The following RP1 variants were observed in gnomAD, a reference collection of about 807,000 sequenced individuals.
RP1 encodes the protein RP1 axonemal microtubule associated, also known as oxygen-regulated protein 1.
Under a neutral mutation model 14.8 loss-of-function variants are expected in RP1, and 16 were observed. The observed-to-expected ratio is 1.08, with a 90% confidence interval of 0.73 to 1.65. The LOEUF (loss-of-function observed/expected upper bound fraction) is 1.65. Among genes scored for constraint, RP1 ranks in the 40% most tolerant of loss-of-function variants. The pLI is 0.00. For missense variants in RP1, 2,631 were observed against 2,535.0 expected, an observed-to-expected ratio of 1.04 and a Z score of -0.81; for synonymous variants, 876 against 883.6, an observed-to-expected ratio of 0.99 and a Z score of 0.15.
chr8:54,787,368 T>C (rs1810347057), intron 24 of RP1, among the ~76,000 whole-genome samples: 1 of 152,124 alleles, frequency 6.6e-6, no homozygotes, highest in South Asian at 2.1e-4. Context: ...TGACATAGAC[T>C]AGACACTCAT....
At chr8:54,793,904 C>A (rs1486412954) in intron 24 of RP1, among the ~76,000 whole-genome samples, 2 of 151,736 alleles carry the variant, frequency 1.3e-5, no homozygotes, top group Non-Finnish European at 3.0e-5. Flanking sequence ...ATGACATAAT[C>A]TTACATATAG....
intron 1 of RP1, among the ~76,000 whole-genome samples, chr8:54,586,588 C>T (rs1347317910): frequency 1.3e-5 from 2 of 152,024 alleles, no homozygotes; most frequent in Non-Finnish European, 2.9e-5. Flanking sequence ...ATGCCCTGCC[C>T]CCAGAGGTGG....
At chr8:54,724,744 A>G (rs908508471) in intron 16 of RP1, among the ~76,000 whole-genome samples, 5 of 152,176 alleles carry the variant, frequency 3.3e-5, no homozygotes, top group Non-Finnish European at 5.9e-5. Flanking sequence ...AGCGATAGGA[A>G]CTTGCTGGAT....
At chr8:54,775,490 A>G (rs1403415604) in intron 23 of RP1, among the ~76,000 whole-genome samples, 1 of 152,172 alleles carries the variant, frequency 6.6e-6, no homozygotes, top group African/African-American at 2.4e-5. Context: ...AGAAGTCTGC[A>G]TGGAAAGGAA....
At chr8:54,816,483 C>T (rs1412089997) in intron 24 of RP1, among the ~76,000 whole-genome samples, 1 of 152,266 alleles carries the variant, frequency 6.6e-6, no homozygotes, top group East Asian at 1.9e-4. Context: ...AATATAAAGG[C>T]AAATAAGGTG....
At chr8:54,571,246 T>C (rs1247019189) in intron 1 of RP1, among the ~76,000 whole-genome samples, 1 of 152,222 alleles carries the variant, frequency 6.6e-6, no homozygotes, top group Non-Finnish European at 1.5e-5. Flanking sequence ...AAAGTCTCCC[T>C]TGGCCCATAG....
At chr8:54,781,980 C>G (rs1025498755) in intron 23 of RP1, among the ~76,000 whole-genome samples, 2 of 152,106 alleles carry the variant, frequency 1.3e-5, no homozygotes, top group Non-Finnish European at 2.9e-5. Context: ...TCCCTCCCCC[C>G]ATGATAGCAT....
chr8:54,693,528 C>T (rs190418883), intron 12 of RP1, among the ~76,000 whole-genome samples: 5 of 152,186 alleles, frequency 3.3e-5, no homozygotes, highest in South Asian at 4.2e-4. Context: ...TGAAGAGGTC[C>T]TTCCTGTCCC....
intron 12 of RP1, among the ~76,000 whole-genome samples, chr8:54,681,851 T>C (rs1224456721): frequency 1.3e-5 from 2 of 152,170 alleles, no homozygotes; most frequent in East Asian, 1.9e-4. Flanking sequence ...GCTTCATCCA[T>C]GTCCCTGCAA....
chr8:54,819,051 C>T (rs1349214507), intron 24 of RP1, among the ~76,000 whole-genome samples: 3 of 151,966 alleles, frequency 2.0e-5, no homozygotes, highest in Non-Finnish European at 2.9e-5. Flanking sequence ...AACTTTCTAC[C>T]CACATATCTC....
intron 19 of RP1, among the ~76,000 whole-genome samples, chr8:54,745,087 G>T (rs950512297): frequency 6.6e-6 from 1 of 152,186 alleles, no homozygotes; most frequent in African/African-American, 2.4e-5. Flanking sequence ...GAAGAGTTCT[G>T]TTGGTCGTTT....
downstream of RP1, among the ~76,000 whole-genome samples, chr8:54,635,152 A>C (rs532058186): frequency 6.6e-6 from 1 of 152,316 alleles, no homozygotes; most frequent in Non-Finnish European, 1.5e-5. Flanking sequence ...TAAAGGATAT[A>C]CACATGAGCC....
chr8:54,609,703 C>A (rs1585548431), intron 1 of RP1, among the ~76,000 whole-genome samples: 1 of 152,132 alleles, frequency 6.6e-6, no homozygotes, highest in Non-Finnish European at 1.5e-5. Context: ...GGCCTCACAT[C>A]CCAGGTCGCT....
At chr8:54,783,023 T>G (rs566265849) in intron 23 of RP1, among the ~76,000 whole-genome samples, 1 of 152,224 alleles carries the variant, frequency 6.6e-6, no homozygotes, top group Non-Finnish European at 1.5e-5. Flanking sequence ...TTGTTCCAAC[T>G]TTCAGGGAAC....
At chr8:54,768,897 C>CT (rs138672609) in intron 22 of RP1, among the ~76,000 whole-genome samples, 1,734 of 138,620 alleles carry the variant, frequency 0.013, 12 homozygotes, top group African/African-American at 0.019. Context: ...TGGTTATATT[C>CT]TTTTTTTTTT....
chr8:54,769,404 G>A (rs1238476420), intron 22 of RP1, among the ~76,000 whole-genome samples: 1 of 152,110 alleles, frequency 6.6e-6, no homozygotes, highest in Non-Finnish European at 1.5e-5. Context: ...CTTTTATCCA[G>A]CTTGGTACTG....
chr8:54,791,001 C>A (rs868357247), intron 24 of RP1, among the ~76,000 whole-genome samples: 22 of 151,970 alleles, frequency 1.4e-4, no homozygotes, highest in Non-Finnish European at 2.6e-4. Context: ...ATTTGTGAAC[C>A]CCAAGTGTCA....
intron 15 of RP1, among the ~76,000 whole-genome samples, chr8:54,711,997 C>T (rs1026613365): frequency 6.6e-6 from 1 of 152,096 alleles, no homozygotes; most frequent in African/African-American, 2.4e-5. Context: ...TGGTAATGAA[C>T]TGTGGGGAAC....
At chr8:54,760,198 G>A (rs1463468431) in intron 22 of RP1, among the ~76,000 whole-genome samples, 1 of 152,174 alleles carries the variant, frequency 6.6e-6, no homozygotes, top group East Asian at 1.9e-4. Context: ...ATTAAATTCA[G>A]TCAATTCCTT....
Sources: gnomAD v4.1 joint callset for allele counts (sites outside exome capture counted in the v4.1 genomes callset) on GRCh38, gnomAD v4.1.1 for gene constraint, MANE v1.5 for transcripts, NCBI Gene and HGNC (gene_info 2026-07-23, HGNC 2026-07-21) for gene names.